The following HP1BP3 variants were observed in gnomAD, a reference collection of about 807,000 sequenced individuals.
HP1BP3 encodes the protein heterochromatin protein 1-binding protein 3.
A neutral mutation model predicts 62.5 loss-of-function variants in HP1BP3; 12 were observed. The observed-to-expected ratio is 0.19, with a 90% CI of 0.12 to 0.31. The LOEUF is 0.31. Among genes scored for constraint, HP1BP3 ranks in the 10% least tolerant of loss-of-function variants. The pLI, the probability that HP1BP3 is intolerant of heterozygous loss-of-function variation, is 1.00. For synonymous variants in HP1BP3, 260 were observed against 237.8 expected (o/e 1.09, Z -0.86); for missense variants, 502 against 651.8 (o/e 0.77, Z 2.50).
At chr1:20,778,690 T>C (rs565082122) in intron 3 of HP1BP3, among the ~76,000 whole-genome samples, 103 of 152,294 alleles carry the variant, frequency 6.8e-4, no homozygotes, top group African/African-American at 2.4e-3. Context: ...TCTAAGGATT[T>C]AGAGAAAAAA....
intron 8 of HP1BP3, among the ~76,000 whole-genome samples, chr1:20,759,198 T>C (rs7552496): frequency 0.45 from 67,978 of 152,076 alleles, 15,543 homozygotes; most frequent in African/African-American, 0.46. Flanking sequence ...GTTGGGAGTT[T>C]GACACCAGCT....
intron 6 of HP1BP3, 107 bp downstream of exon 6, chr1:20,770,823 G>A: frequency 1.2e-6 from 1 of 837,416 alleles, no homozygotes; most frequent in Non-Finnish European, 1.7e-6. Context: ...TCATCATCAT[G>A]AAACTTATTT....
chr1:20,778,880 C>T (rs191305936), intron 3 of HP1BP3, among the ~76,000 whole-genome samples: 1 of 151,902 alleles, frequency 6.6e-6, no homozygotes, highest in East Asian at 1.9e-4. Flanking sequence ...ACCTCTGCCT[C>T]CTGGGCTCAA....
chr1:20,749,184 T>C (rs2154539664), intron 10 of HP1BP3, among the ~76,000 whole-genome samples: 1 of 152,318 alleles, frequency 6.6e-6, no homozygotes, highest in East Asian at 1.9e-4. Context: ...GAAAAATCTT[T>C]ACAGTAAAAG....
intron 6 of HP1BP3, among the ~76,000 whole-genome samples, chr1:20,770,409 A>G (rs2057004147): frequency 6.6e-6 from 1 of 152,282 alleles, no homozygotes; most frequent in Non-Finnish European, 1.5e-5. Context: ...TCAACCTCCC[A>G]GGCTCAAGCG....
chr1:20,761,112 T>C (rs1489342657), intron 8 of HP1BP3, among the ~76,000 whole-genome samples: 1 of 152,164 alleles, frequency 6.6e-6, no homozygotes, highest in Non-Finnish European at 1.5e-5. Context: ...TGGTGTGATC[T>C]TGGCTCACTG....
chr1:20,774,099 A>AT (rs1253532103), intron 4 of HP1BP3: 1 of 152,410 alleles, frequency 6.6e-6, no homozygotes, highest in African/African-American at 2.4e-5. Context: ...TGCAAGAATT[A>AT]TAAGAGTATG....
At chr1:20,771,306 C>T (rs916195822) in intron 5 of HP1BP3, among the ~76,000 whole-genome samples, 5 of 152,132 alleles carry the variant, frequency 3.3e-5, no homozygotes, top group Admixed American at 6.5e-5. Context: ...ATACTGAACA[C>T]GAACAACATT....
chr1:20,786,994 A>G (rs1314241306), intron 1 of HP1BP3, among the ~76,000 whole-genome samples: 2 of 151,836 alleles, frequency 1.3e-5, no homozygotes, highest in Admixed American at 6.6e-5. Context: ...GCAGGGGGCT[A>G]GGTCGCAGGA....
chr1:20,779,843 G>C lies in HP1BP3; in HGVS notation c.165C>G (p.Ser55Arg), dbSNP rs892518229. Residue 55 changes from serine to arginine, a missense_variant, in exon 3 of 13, where the codon AGC becomes AGG. This residue lies in a region of HP1BP3 where 165 missense variants were observed against 156.4 expected (regional missense o/e 1.05). Coordinates refer to ENST00000438032, the MANE Select transcript of HP1BP3 (RefSeq NM_001372052.1). The stretch of plus-strand genomic sequence containing the variant: ...TTTCTTCCTCCCCTTCAGCAAGCTT[G>C]CTTTTGGGAGGAGTTTCCCGGGTAG... ...VNSTRETPPK[S>R]KLAEGEEEKP... is the part of the protein sequence containing the mutation. 1.2e-6 allele frequency: 2 copies of C among 1,613,112 alleles called. No individual in the cohort carries two copies. Among genetic ancestry groups the C allele is most frequent in the Non-Finnish European group, 1.7e-6 (2 of 1,179,640 alleles).
intron 9 of HP1BP3, among the ~76,000 whole-genome samples, chr1:20,751,309 T>TA (rs2055734899): frequency 6.6e-6 from 1 of 152,008 alleles, no homozygotes; most frequent in Non-Finnish European, 1.5e-5. Context: ...TTTTTTTTTT[T>TA]ACTGCACGGG....
At chr1:20,787,093 G>C (rs1260716376) in intron 1 of HP1BP3, 102 bp downstream of exon 1, 2 of 151,864 alleles carry the variant, frequency 1.3e-5, no homozygotes, top group Admixed American at 1.3e-4. Context: ...CCTCCTCTCT[G>C]GGAGCGGCGT....
intron 5 of HP1BP3, among the ~76,000 whole-genome samples, chr1:20,772,184 T>C (rs1404528646): frequency 1.3e-5 from 2 of 152,220 alleles, no homozygotes; most frequent in Admixed American, 6.5e-5. Flanking sequence ...ACATCATGAT[T>C]CCTGTTCAAT....
Position 20,773,507 on chromosome 1 carries a change from G to C in HP1BP3, c.454C>G (p.Pro152Ala), listed in dbSNP as rs1289604906. ...TTGGGACGTGGGGAAGAAGCCATCG[G>C]TGTTTGTTTCTGGGCCCTGGCTAGC... ...SQLARAQKQT[P>A]MASSPRPKMD... Residue 152 changes from proline (P) to alanine (A), a missense_variant, in exon 5 of 13, where the codon CCG becomes GCG. By Grantham distance (27) the Pro-to-Ala change is conservative. Transcript: ENST00000438032. 1 of 1,613,014 alleles carries C rather than the reference G, an allele frequency of 6.2e-7. No homozygotes were observed. The highest frequency in any genetic ancestry group is 8.5e-7 in the Non-Finnish European group (1 of 1,179,338).
chr1:20,747,755 T>C, intron 10 of HP1BP3, 100 bp from the exon 11 acceptor site: 1 of 689,398 alleles, frequency 1.5e-6, no homozygotes, highest in Non-Finnish European at 2.6e-6. Flanking sequence ...TCCTGTCACA[T>C]ACGGTAATTG....
intron 6 of HP1BP3, 29 bp downstream of exon 6, chr1:20,770,901 T>C: frequency 1.3e-6 from 2 of 1,515,364 alleles, no homozygotes; most frequent in South Asian, 2.5e-5. Flanking sequence ...CACAATGAAA[T>C]GATCTTACTA....
chr1:20,748,988 A>G (rs2055530514), intron 10 of HP1BP3, among the ~76,000 whole-genome samples: 1 of 152,160 alleles, frequency 6.6e-6, no homozygotes, highest in Non-Finnish European at 1.5e-5. Flanking sequence ...TTACTGAAAT[A>G]AAGTATTGTC....
intron 10 of HP1BP3, among the ~76,000 whole-genome samples, chr1:20,749,034 GTAGT>G (rs777547938): frequency 2.6e-5 from 4 of 152,082 alleles, no homozygotes; most frequent in Non-Finnish European, 4.4e-5. Context: ...AATAATATAA[GTAGT>G]AAGTACTCTA....
chr1:20,751,855 G>T (rs139733464), intron 9 of HP1BP3, among the ~76,000 whole-genome samples: 1 of 152,212 alleles, frequency 6.6e-6, no homozygotes, highest in East Asian at 1.9e-4. Flanking sequence ...GAGAAAACCA[G>T]AAATGCTCTA....
Sources: allele counts gnomAD v4.1 joint callset (sites outside exome capture counted in the v4.1 genomes callset), GRCh38; gene constraint gnomAD v4.1.1; regional missense constraint gnomAD v4.1.1; transcripts MANE v1.5; gene names NCBI Gene and HGNC (gene_info 2026-07-23, HGNC 2026-07-21).